Variants in ERC1 observed in about 807,000 individuals in gnomAD.
ERC1 encodes the protein RAB6 interacting protein 2.
ERC1 carries 56 observed loss-of-function variants against 132.0 expected under a neutral mutation model. The ratio of observed to expected loss-of-function variants is 0.42; its 90% CI spans 0.34 to 0.53. ERC1 has a LOEUF of 0.53. ERC1 is among the 20% of genes least tolerant of loss of function. The pLI is 0.03. For synonymous variants in ERC1, 478 were observed against 476.1 expected, an observed-to-expected ratio of 1.00 and a Z score of -0.05; for missense variants, 1,202 against 1,349.9, an observed-to-expected ratio of 0.89 and a Z score of 1.72.
At chr12:1,077,588 T>G (rs1941552359) in intron 2 of ERC1, among the ~76,000 whole-genome samples, 3 of 152,182 alleles carry the variant, frequency 2.0e-5, no homozygotes, top group African/African-American at 7.2e-5. Context: ...AAAATCAAGC[T>G]GAGTGTTAGA....
At chr12:1,438,695 A>G (rs2093012247) in intron 17 of ERC1, among the ~76,000 whole-genome samples, 1 of 152,192 alleles carries the variant, frequency 6.6e-6, no homozygotes, top group South Asian at 2.1e-4. Flanking sequence ...TTATCCTAGC[A>G]CTTTGGGAAG....
At chr12:1,053,417 T>C (rs1972387781) in intron 2 of ERC1, among the ~76,000 whole-genome samples, 1 of 152,198 alleles carries the variant, frequency 6.6e-6, no homozygotes, top group South Asian at 2.1e-4. Context: ...ATAATGCTGT[T>C]TTTATATTCT....
At chr12:1,319,229 G>A (rs1424765139) in intron 15 of ERC1, among the ~76,000 whole-genome samples, 1 of 152,078 alleles carries the variant, frequency 6.6e-6, no homozygotes, top group African/African-American at 2.4e-5. Flanking sequence ...ATACTATCCA[G>A]TTCTGCTAAG....
chr12:1,315,308 C>T lies in ERC1; in HGVS notation c.2780+25296C>T, dbSNP rs145412560. On this transcript the variant is annotated intron_variant, in intron 15 of 18. Coordinates refer to ENST00000360905, the MANE Select transcript of ERC1 (RefSeq NM_178040.4). ...CTGGGATTATAGAAGTGAGCCACTGCGCCCAGCCCATATTCAGAAGTTTTC... is the reference window on the plus strand; with the variant it reads ...CTGGGATTATAGAAGTGAGCCACTGTGCCCAGCCCATATTCAGAAGTTTTC... Among the ~76,000 whole-genome samples, 1,484 of 152,064 alleles carry T rather than the reference C, an allele frequency of 9.8e-3. 23 individuals are homozygous for T. Among genetic ancestry groups the T allele is most frequent in the African/African-American group, 0.033 (1,383 of 41,498 alleles).
intron 2 of ERC1, among the ~76,000 whole-genome samples, chr12:1,036,253 ATTC>A (rs1479534972): frequency 7.2e-6 from 1 of 138,334 alleles, no homozygotes; most frequent in Non-Finnish European, 1.6e-5. Context: ...ACCTTGTGTA[ATTC>A]TTTGTCATTT....
intron 1 of ERC1, among the ~76,000 whole-genome samples, chr12:999,009 A>C (rs1429405355): frequency 6.6e-6 from 1 of 151,686 alleles, no homozygotes; most frequent in Non-Finnish European, 1.5e-5. Flanking sequence ...ACAGGTGTGC[A>C]CCACCACACC....
intron 15 of ERC1, among the ~76,000 whole-genome samples, chr12:1,365,628 G>C (rs1377577562): frequency 6.6e-6 from 1 of 152,196 alleles, no homozygotes; most frequent in Non-Finnish European, 1.5e-5. Context: ...ATTGAGTATA[G>C]AGTATATAGA....
intron 15 of ERC1, among the ~76,000 whole-genome samples, chr12:1,341,081 T>C (rs1211885639): frequency 8.1e-4 from 13 of 15,966 alleles, no homozygotes; most frequent in African/African-American, 2.5e-3. Flanking sequence ...TTTTTTTTTT[T>C]TTTTTTTTTT....
chr12:1,398,089 TC>T (rs1203477113), intron 16 of ERC1, among the ~76,000 whole-genome samples: 1 of 152,042 alleles, frequency 6.6e-6, no homozygotes, highest in African/African-American at 2.4e-5. Flanking sequence ...GCTCAATCGA[TC>T]CTCCCACCTC....
At chr12:1,195,009 G>A (rs1956086409) in intron 12 of ERC1, among the ~76,000 whole-genome samples, 1 of 152,018 alleles carries the variant, frequency 6.6e-6, no homozygotes. Context: ...TTATGGGATA[G>A]TCGAGAAAGA....
At position 1,289,907 on chromosome 12, in the gene ERC1, A is replaced by G. The variant is rs2079318945; in HGVS notation, c.2675A>G (p.Lys892Arg). 1.2e-6 allele frequency: 2 copies of G among 1,613,868 alleles called. No homozygotes were observed. Among genetic ancestry groups the G allele is most frequent in the East Asian group, 2.2e-5 (1 of 44,890 alleles). Reference sequence around the variant, plus strand: ...GTAAAGCAGGAACTAGAATCCATGAAAGCAAAGCTGTCCTCCACCCAGCAG... The same window carrying G: ...GTAAAGCAGGAACTAGAATCCATGAGAGCAAAGCTGTCCTCCACCCAGCAG... Reference protein sequence around the residue: ...EKVKQELESMKAKLSSTQQSL... With the variant: ...EKVKQELESMRAKLSSTQQSL... The change falls in exon 15 of 19, where the codon AAA (lysine) becomes AGA (arginine). Residue 892 changes from lysine (K) to arginine (R), a missense_variant. By Grantham distance (26) the Lys-to-Arg change is conservative. Coordinates refer to ENST00000360905, the MANE Select transcript of ERC1 (RefSeq NM_178040.4).
intron 12 of ERC1, among the ~76,000 whole-genome samples, chr12:1,202,101 A>G (rs1956964966): frequency 6.6e-6 from 1 of 152,206 alleles, no homozygotes; most frequent in Non-Finnish European, 1.5e-5. Flanking sequence ...TTTCTGGGGA[A>G]GCTGCTTGTT....
intron 1 of ERC1, among the ~76,000 whole-genome samples, chr12:1,003,685 C>T (rs1962907819): frequency 6.6e-6 from 1 of 152,208 alleles, no homozygotes; most frequent in Non-Finnish European, 1.5e-5. Flanking sequence ...AGCACACTTA[C>T]ACAAGACAAG....
intron 2 of ERC1, among the ~76,000 whole-genome samples, chr12:1,039,120 A>T (rs2154157879): frequency 6.6e-6 from 1 of 152,114 alleles, no homozygotes; most frequent in South Asian, 2.1e-4. Context: ...GCGGATCACG[A>T]GGTCAGGAGA....
intron 15 of ERC1, among the ~76,000 whole-genome samples, chr12:1,341,844 G>A (rs183283538): frequency 1.0e-3 from 152 of 152,244 alleles, no homozygotes; most frequent in Non-Finnish European, 1.6e-3. Flanking sequence ...TTTGGGATCA[G>A]CCTGGAATAT....
intron 15 of ERC1, among the ~76,000 whole-genome samples, chr12:1,321,919 GA>G (rs2082140329): frequency 6.6e-6 from 1 of 152,126 alleles, no homozygotes; most frequent in African/African-American, 2.4e-5. Context: ...TACATCTTTA[GA>G]ATACAGGAAG....
At chr12:1,252,520 G>A (rs73027442) in intron 13 of ERC1, among the ~76,000 whole-genome samples, 3,413 of 152,166 alleles carry the variant, frequency 0.022, 67 homozygotes, top group South Asian at 0.057. Context: ...GTCTGTATGG[G>A]ATATTTGTAC....
intron 13 of ERC1, among the ~76,000 whole-genome samples, chr12:1,247,840 T>C (rs769821800): frequency 6.6e-6 from 1 of 151,714 alleles, no homozygotes; most frequent in Non-Finnish European, 1.5e-5. Context: ...CCACTAAAAA[T>C]AGAAAAGTAG....
chr12:1,061,972 T>C (rs1173818662), intron 2 of ERC1, among the ~76,000 whole-genome samples: 2 of 151,010 alleles, frequency 1.3e-5, no homozygotes, highest in African/African-American at 4.9e-5. Flanking sequence ...TGTTGTGTTT[T>C]TTTTTCTTCT....
Sources: allele counts gnomAD v4.1 joint callset (sites outside exome capture counted in the v4.1 genomes callset), GRCh38; gene constraint gnomAD v4.1.1; transcripts MANE v1.5; gene names NCBI Gene and HGNC (gene_info 2026-07-23, HGNC 2026-07-21).